Variants in BCAP31 observed in about 807,000 individuals in gnomAD.
BCAP31 encodes B cell receptor associated protein 31.
For missense variants in BCAP31, 124 were observed against 193.0 expected, an observed-to-expected ratio of 0.64 and a Z score of 2.12; for synonymous variants, 75 against 80.9, an observed-to-expected ratio of 0.93 and a Z score of 0.39.
At chrX:153,715,328 A>G in intron 4 of BCAP31, 1 of 461,307 alleles carries the variant, frequency 2.2e-6, no homozygotes, top group Non-Finnish European at 3.6e-6. Context: ...GGGTCTTCTG[A>G]TATTTCAGGC....
chrX:153,708,797 G>A (rs868976730), intron 4 of BCAP31, among the ~76,000 whole-genome samples: 1 of 112,690 alleles, frequency 8.9e-6, no homozygotes, highest in Admixed American at 9.3e-5. Flanking sequence ...GAGCAGACCC[G>A]AGAAGGCTGC....
chrX:153,723,923 A>G, intron 1 of BCAP31: 1 of 491,286 alleles, frequency 2.0e-6, no homozygotes, highest in Non-Finnish European at 3.7e-6. Context: ...AGGATTCGGG[A>G]CCAAGCGCAA....
At chrX:153,704,363 C>T (rs1288035278) in intron 4 of BCAP31, among the ~76,000 whole-genome samples, 5 of 112,283 alleles carry the variant, frequency 4.5e-5, no homozygotes, top group African/African-American at 1.6e-4. Context: ...GGAAGAGCCT[C>T]GCTACAGCAT....
intron 1 of BCAP31, chrX:153,723,530 C>G (rs1254329637): frequency 2.6e-6 from 3 of 1,166,958 alleles, no homozygotes; most frequent in Non-Finnish European, 3.4e-6. Flanking sequence ...GCACGTGTGT[C>G]AACACGTCCA....
At chrX:153,705,171 A>C (rs1433630406) in intron 4 of BCAP31, 2 of 113,225 alleles carry the variant, frequency 1.8e-5, no homozygotes, top group Non-Finnish European at 3.7e-5. Context: ...GAAGAGTCGA[A>C]GTGGCCTCCT....
At chrX:153,711,542 A>C (rs1277739844) in intron 4 of BCAP31, among the ~76,000 whole-genome samples, 1 of 112,179 alleles carries the variant, frequency 8.9e-6, no homozygotes, top group African/African-American at 3.2e-5. Flanking sequence ...GGCCATGAGT[A>C]CCTGCTCGCG....
At chrX:153,715,373 T>A in intron 4 of BCAP31, 169 bp downstream of exon 4, 1 of 736,325 alleles carries the variant, frequency 1.4e-6, no homozygotes. Context: ...CCTCTGGAGG[T>A]CAGGAGAAAA....
At chrX:153,721,083 G>A (rs2091662166) in intron 2 of BCAP31, 111 bp from the exon 3 acceptor site, 1 of 622,204 alleles carries the variant, frequency 1.6e-6, no homozygotes, top group Non-Finnish European at 2.5e-6. Flanking sequence ...TGGCCGAATA[G>A]CCCATGCAAA....
At chrX:153,712,365 T>A (rs1166281720) in intron 4 of BCAP31, among the ~76,000 whole-genome samples, 1 of 108,166 alleles carries the variant, frequency 9.2e-6, no homozygotes, top group Non-Finnish European at 1.9e-5. Context: ...ATCACACCAA[T>A]GCACTCCAGC....
chrX:153,716,566 ACT>A lies in BCAP31; in HGVS notation c.194-879_194-878del, dbSNP rs782301720. ...AGACCAGCCTGGGCAACACAGGGAG[ACT>A]CTCTCTCAACAAAAAAAAAAAAAAA... On this transcript the variant is annotated intron_variant, in intron 3 of 7. Coordinates refer to ENST00000345046, the MANE Select transcript of BCAP31 (RefSeq NM_001256447.2). Among the ~76,000 whole-genome samples the A allele has an allele frequency of 4.4e-4, 39 of 88,424 alleles. No individual in the cohort carries two copies. The East Asian group carries it at 0.013, about 29-fold the overall frequency. 76.8% of individuals were successfully genotyped at this position (88,424 alleles called of 115,157 possible). A position where few individuals can be genotyped will look rare whatever the true frequency, so the allele number is the denominator to read the frequency against.
intron 2 of BCAP31, 66 bp downstream of exon 2, chrX:153,723,087 C>G: frequency 8.6e-7 from 1 of 1,165,473 alleles, no homozygotes; most frequent in Non-Finnish European, 1.2e-6. Context: ...GCTGCACACA[C>G]CAGTCCCAGG....
At chrX:153,702,286 A>G in intron 6 of BCAP31, 179 bp from the exon 7 acceptor site, 1 of 413,486 alleles carries the variant, frequency 2.4e-6, no homozygotes, top group Non-Finnish European at 4.2e-6. Context: ...GTAGAGGGAA[A>G]GGGCTGACAA....
Position 153,714,121 on chromosome X carries a change from C to T in BCAP31, c.341+1421G>A, listed in dbSNP as rs1469180281. On this transcript the variant is annotated intron_variant, in intron 4 of 7. Transcript: ENST00000345046. The stretch of plus-strand genomic sequence containing the variant: ...CGAACTCCTGACCTCAGGTGATCCA[C>T]CTGCCTCGGCCTCCCAAAGTGCTGG... 2.7e-5 allele frequency among the ~76,000 whole-genome samples: 3 copies of T among 109,261 alleles called. No individual in the cohort carries two copies. In the Admixed American group the frequency reaches 2.9e-4, roughly 11 times the overall value. 94.9% of individuals were successfully genotyped at this position (109,261 alleles called of 115,157 possible).
At chrX:153,707,498 A>C (rs1345996072) in intron 4 of BCAP31, among the ~76,000 whole-genome samples, 1 of 111,326 alleles carries the variant, frequency 9.0e-6, no homozygotes, top group Non-Finnish European at 1.9e-5. Context: ...GCTGGACAGA[A>C]TCTCCCTGGG....
At chrX:153,702,877 G>A (rs1348712010) in intron 6 of BCAP31, 58 bp downstream of exon 6, 66 of 1,190,312 alleles carry the variant, frequency 5.5e-5, no homozygotes, top group Non-Finnish European at 6.2e-5. Context: ...GGGCAGCAGC[G>A]GGCAGAGGAG....
intron 4 of BCAP31, among the ~76,000 whole-genome samples, chrX:153,714,810 A>G (rs1557049778): frequency 9.0e-6 from 1 of 110,729 alleles, no homozygotes; most frequent in African/African-American, 3.3e-5. Context: ...TGATTAAGTG[A>G]TGAGAGCTCC....
chrX:153,700,764 A>G lies in BCAP31; in HGVS notation c.*173T>C, dbSNP rs139705104. 3.3e-3 allele frequency: 1,486 copies of G among 446,244 alleles called. 50 individuals carry two copies. The East Asian group carries it at 0.062, about 19-fold the overall frequency. 36.8% of individuals were successfully genotyped at this position (446,244 alleles called of 1,213,427 possible). A position where few individuals can be genotyped will look rare whatever the true frequency, so the allele number is the denominator to read the frequency against. On this transcript the variant is annotated 3_prime_UTR_variant, in exon 8 of 8. Coordinates refer to ENST00000345046, the MANE Select transcript of BCAP31 (RefSeq NM_001256447.2). ...ACGTGTAGCAATCAGGTCCCCTGTAATGTGCTTGGAGAGTGTGGACAAGGG... is the reference window on the plus strand; with the variant it reads ...ACGTGTAGCAATCAGGTCCCCTGTAGTGTGCTTGGAGAGTGTGGACAAGGG...
intron 4 of BCAP31, among the ~76,000 whole-genome samples, chrX:153,711,610 G>A (rs2091591778): frequency 8.9e-6 from 1 of 112,455 alleles, no homozygotes; most frequent in South Asian, 3.6e-4. Flanking sequence ...TAAAGAACAT[G>A]GAAAGAAAGA....
rs782292853 is a variant in BCAP31, at chrX:153,717,491, G to A, written c.194-1802C>T. Among the ~76,000 whole-genome samples, 6 of 112,651 alleles carry A rather than the reference G, an allele frequency of 5.3e-5. No individual in the cohort carries two copies. In the South Asian group the frequency reaches 2.2e-3, roughly 41 times the overall value. On this transcript the variant is annotated intron_variant, in intron 3 of 7. Transcript: ENST00000345046. ...CTCACTCTGTCACCCAGGCTTGAGTGCAGTGGCACGATCCCAGCTCACTGC... is the reference window on the plus strand; with the variant it reads ...CTCACTCTGTCACCCAGGCTTGAGTACAGTGGCACGATCCCAGCTCACTGC...
Sources: gnomAD v4.1 joint callset for allele counts (sites outside exome capture counted in the v4.1 genomes callset) on GRCh38, gnomAD v4.1.1 for gene constraint, MANE v1.5 for transcripts, NCBI Gene and HGNC (gene_info 2026-07-23, HGNC 2026-07-21) for gene names.